MITF: variants seen among roughly 807,000 people sequenced by gnomAD.
The protein encoded by MITF is melanocyte inducing transcription factor.
Under a neutral mutation model 60.5 loss-of-function variants are expected in MITF, and 17 were observed. The ratio of observed to expected loss-of-function variants is 0.28; its 90% CI spans 0.19 to 0.42. The LOEUF (loss-of-function observed/expected upper bound fraction) is 0.42, where lower values mean the gene tolerates loss of function less well. MITF is among the 10% of genes least tolerant of loss of function. The pLI is 1.00. For synonymous variants in MITF, 260 were observed against 248.5 expected, an observed-to-expected ratio of 1.05 and a Z score of -0.43; for missense variants, 622 against 683.5, an observed-to-expected ratio of 0.91 and a Z score of 1.00.
At chr3:69,960,182 C>T (rs954531175) in intron 9 of MITF, among the ~76,000 whole-genome samples, 3 of 152,070 alleles carry the variant, frequency 2.0e-5, no homozygotes, top group African/African-American at 4.8e-5. Context: ...TTGTAGGGTC[C>T]GGGAAGCAGT....
chr3:69,863,823 A>G (rs2064060800), intron 1 of MITF, among the ~76,000 whole-genome samples: 1 of 152,188 alleles, frequency 6.6e-6, no homozygotes, highest in Non-Finnish European at 1.5e-5. Context: ...CAGCCTCCCA[A>G]GTAGCTAGGA....
chr3:69,956,374 A>G, intron 7 of MITF, 81 bp from the exon 8 acceptor site: 9 of 1,105,316 alleles, frequency 8.1e-6, no homozygotes, highest in Non-Finnish European at 1.3e-5. Flanking sequence ...AGAAGTTAAT[A>G]TGCACATGCC....
Position 69,893,230 on chromosome 3 carries a change from C to T in MITF, c.354+13847C>T, listed in dbSNP as rs540107885. ...AAGATATCCCCTGAGGACTTCTGCACTGGATCGTGAACCTTGTTTCCTAGA... is the reference window on the plus strand; with the variant it reads ...AAGATATCCCCTGAGGACTTCTGCATTGGATCGTGAACCTTGTTTCCTAGA... On this transcript the variant is annotated intron_variant, in intron 2 of 9. Transcript: ENST00000352241. 3.3e-5 allele frequency among the ~76,000 whole-genome samples: 5 copies of T among 152,340 alleles called. No homozygotes were observed. The East Asian group carries it at 9.6e-4, about 29-fold the overall frequency.
intron 1 of MITF, among the ~76,000 whole-genome samples, chr3:69,750,724 A>G (rs1021928593): frequency 6.6e-6 from 1 of 152,026 alleles, no homozygotes; most frequent in Non-Finnish European, 1.5e-5. Flanking sequence ...ACATGTTTCT[A>G]AGTGATGCTG....
intron 2 of MITF, among the ~76,000 whole-genome samples, chr3:69,894,206 C>T (rs920494118): frequency 6.6e-6 from 1 of 152,208 alleles, no homozygotes; most frequent in African/African-American, 2.4e-5. Context: ...CCTTTCGCCC[C>T]TAAGCCACAG....
rs535809929 is a variant in MITF, at chr3:69,921,256, G to C, written c.355-16566G>C. 1.4e-4 allele frequency among the ~76,000 whole-genome samples: 22 copies of C among 152,286 alleles called. 1 individual carries two copies. The highest frequency in any genetic ancestry group is 1.0e-3 in the South Asian group (5 of 4,824). ...TAAGCTTATTGTAAGCTAAGCATTA[G>C]CCAACTTCTGGTTTTGTTTGCAAGT... On this transcript the variant is annotated intron_variant, in intron 2 of 9. Coordinates refer to ENST00000352241, the MANE Select transcript of MITF (RefSeq NM_001354604.2).
intron 2 of MITF, among the ~76,000 whole-genome samples, chr3:69,928,024 G>T (rs1559725974): frequency 6.6e-6 from 1 of 152,202 alleles, no homozygotes. Flanking sequence ...CTATGCTCTT[G>T]TACTGTTATA....
rs116114095 is a variant in MITF, at chr3:69,924,581, C to G, written c.355-13241C>G. The stretch of plus-strand genomic sequence containing the variant: ...AATGAACCCTTCGCGTAACCCATCA[C>G]CCAGCTTCGAGAGTTATTGACTCGG... On this transcript the variant is annotated intron_variant, in intron 2 of 9. Transcript: ENST00000352241. Among the ~76,000 whole-genome samples, 405 of 152,302 alleles carry G rather than the reference C, an allele frequency of 2.7e-3. 1 individual carries two copies. Among genetic ancestry groups the G allele is most frequent in the African/African-American group, 9.5e-3 (395 of 41,558 alleles).
At chr3:69,860,700 T>G (rs2064001284) in intron 1 of MITF, among the ~76,000 whole-genome samples, 1 of 152,250 alleles carries the variant, frequency 6.6e-6, no homozygotes, top group Non-Finnish European at 1.5e-5. Context: ...GAAACAGTTT[T>G]TAAAAACATT....
intron 1 of MITF, among the ~76,000 whole-genome samples, chr3:69,809,549 T>C (rs576911270): frequency 6.6e-6 from 1 of 152,016 alleles, no homozygotes; most frequent in Non-Finnish European, 1.5e-5. Context: ...TAAAGTATGA[T>C]GTAATAAAGG....
intron 1 of MITF, among the ~76,000 whole-genome samples, chr3:69,741,583 A>G (rs1703530938): frequency 1.3e-5 from 2 of 152,188 alleles, no homozygotes; most frequent in South Asian, 2.1e-4. Context: ...AGGCACGTGT[A>G]AGGGAAAATG....
chr3:69,864,226 G>A (rs925005140), intron 1 of MITF, among the ~76,000 whole-genome samples: 2 of 152,192 alleles, frequency 1.3e-5, no homozygotes, highest in Non-Finnish European at 2.9e-5. Context: ...GAATTAGTAA[G>A]TGGTGAGATT....
At chr3:69,807,541 C>A (rs758165995) in intron 1 of MITF, among the ~76,000 whole-genome samples, 1 of 152,178 alleles carries the variant, frequency 6.6e-6, no homozygotes, top group Non-Finnish European at 1.5e-5. Context: ...AATGTAATTT[C>A]ATTTCTTCTA....
intron 1 of MITF, among the ~76,000 whole-genome samples, chr3:69,785,230 A>C (rs1477489269): frequency 1.3e-5 from 2 of 151,950 alleles, no homozygotes; most frequent in East Asian, 3.9e-4. Flanking sequence ...TGGAGCAGTG[A>C]GTCACGGCGT....
chr3:69,898,024 A>T (rs959218553), intron 2 of MITF, among the ~76,000 whole-genome samples: 1 of 152,178 alleles, frequency 6.6e-6, no homozygotes, highest in Non-Finnish European at 1.5e-5. Context: ...ACAGATTTTC[A>T]TGTGCCCTTG....
intron 1 of MITF, among the ~76,000 whole-genome samples, chr3:69,764,786 G>T (rs1003730175): frequency 4.6e-5 from 7 of 152,172 alleles, no homozygotes; most frequent in African/African-American, 1.7e-4. Context: ...TTTGTTCAGA[G>T]CCTTTGCTCC....
chr3:69,756,401 GT>G (rs1704149446), intron 1 of MITF, among the ~76,000 whole-genome samples: 2 of 152,154 alleles, frequency 1.3e-5, no homozygotes, highest in South Asian at 4.2e-4. Flanking sequence ...TTCTGTTCCT[GT>G]GATAGTTTGC....
intron 1 of MITF, among the ~76,000 whole-genome samples, chr3:69,847,349 C>T (rs2063749649): frequency 6.6e-6 from 1 of 152,148 alleles, no homozygotes; most frequent in African/African-American, 2.4e-5. Flanking sequence ...ATACATTCTG[C>T]CTGTTTCCTT....
At chr3:69,852,931 T>G (rs2063850048) in intron 1 of MITF, among the ~76,000 whole-genome samples, 1 of 151,960 alleles carries the variant, frequency 6.6e-6, no homozygotes, top group Non-Finnish European at 1.5e-5. Context: ...CAAGCAAGAG[T>G]GTACAGCTAG....
Sources: gnomAD v4.1 joint callset for allele counts (sites outside exome capture counted in the v4.1 genomes callset) on GRCh38, gnomAD v4.1.1 for gene constraint, MANE v1.5 for transcripts, NCBI Gene and HGNC (gene_info 2026-07-23, HGNC 2026-07-21) for gene names.